Variants in ZNF569 observed in about 807,000 individuals in gnomAD.
The protein encoded by ZNF569 is DNA-binding protein.
A neutral mutation model predicts 56.3 loss-of-function variants in ZNF569; 38 were observed. That is an observed-to-expected ratio of 0.68 (90% CI 0.52 to 0.88). ZNF569 has a LOEUF of 0.88. Ranked by LOEUF, ZNF569 falls within the 40% of genes least tolerant of loss-of-function variation. The pLI, the probability that ZNF569 is intolerant of heterozygous loss-of-function variation, is 0.00. For synonymous variants in ZNF569, 241 were observed against 262.9 expected (o/e 0.92, Z 0.81); for missense variants, 666 against 809.2 (o/e 0.82, Z 2.15).
chr19:37,452,755 G>A (rs1024957768), intron 2 of ZNF569, among the ~76,000 whole-genome samples: 15 of 152,090 alleles, frequency 9.9e-5, no homozygotes, highest in African/African-American at 3.4e-4. Flanking sequence ...TTCTGTGTTT[G>A]ACTTTTGACA....
At chr19:37,449,985 A>G (rs1297939192) in intron 2 of ZNF569, among the ~76,000 whole-genome samples, 5 of 152,052 alleles carry the variant, frequency 3.3e-5, no homozygotes, top group Non-Finnish European at 7.4e-5. Flanking sequence ...GTTTAATTGC[A>G]CACTTTTTAT....
At chr19:37,460,009 C>T (rs1280756888) in intron 2 of ZNF569, among the ~76,000 whole-genome samples, 1 of 151,724 alleles carries the variant, frequency 6.6e-6, no homozygotes, top group African/African-American at 2.4e-5. Context: ...CAATGAAAAC[C>T]GTAGTAATCA....
chr19:37,441,175 G>C (rs1325937764), intron 3 of ZNF569, among the ~76,000 whole-genome samples: 2 of 152,152 alleles, frequency 1.3e-5, no homozygotes, highest in Non-Finnish European at 2.9e-5. Flanking sequence ...AGGAAACAAA[G>C]GCCTTGAAGG....
At chr19:37,428,458 T>G (rs1174124969) in intron 3 of ZNF569, among the ~76,000 whole-genome samples, 1 of 148,076 alleles carries the variant, frequency 6.8e-6, no homozygotes, top group East Asian at 2.0e-4. Flanking sequence ...GGAGTTTGAC[T>G]GCAGTGAGCC....
intron 5 of ZNF569, among the ~76,000 whole-genome samples, chr19:37,420,160 T>C (rs140548901): frequency 1.3e-5 from 2 of 151,802 alleles, no homozygotes; most frequent in Non-Finnish European, 1.5e-5. Flanking sequence ...CTAATTTTTT[T>C]TGTGTTTTTA....
At chr19:37,438,316 G>A (rs932811150) in intron 3 of ZNF569, among the ~76,000 whole-genome samples, 2 of 152,134 alleles carry the variant, frequency 1.3e-5, no homozygotes, top group African/African-American at 4.8e-5. Flanking sequence ...AGCCCAGGAG[G>A]TCAAGGCTAC....
Position 37,444,953 on chromosome 19 carries a change from G to C in ZNF569, c.-32C>G. 1 of 1,604,346 alleles carries C rather than the reference G, an allele frequency of 6.2e-7. No homozygotes were observed. Among genetic ancestry groups the C allele is most frequent in the Non-Finnish European group, 8.5e-7 (1 of 1,176,350 alleles). The stretch of plus-strand genomic sequence containing the variant: ...TTCTTTCTGGGAAGGGATGGGGCCT[G>C]CAGAAGTAGAGCTGGGGAAGAGAAT... On this transcript the variant is annotated 5_prime_UTR_variant, in exon 3 of 6. Transcript: ENST00000316950.
intron 2 of ZNF569, among the ~76,000 whole-genome samples, chr19:37,457,948 G>A (rs562727574): frequency 9.9e-5 from 15 of 152,220 alleles, no homozygotes; most frequent in African/African-American, 2.9e-4. Context: ...ATGGCTCGCT[G>A]CAGGCTTCAT....
chr19:37,444,370 G>T (rs979000787), intron 3 of ZNF569, among the ~76,000 whole-genome samples: 1 of 152,150 alleles, frequency 6.6e-6, no homozygotes. Context: ...GTTGTTGCGT[G>T]TAACAGTCAT....
At chr19:37,460,446 G>A (rs1045911576) in intron 2 of ZNF569, among the ~76,000 whole-genome samples, 1 of 151,792 alleles carries the variant, frequency 6.6e-6, no homozygotes, top group African/African-American at 2.4e-5. Flanking sequence ...CCTGGCCAAT[G>A]GTAGATGTTA....
chr19:37,461,926 G>A (rs1469924260), intron 2 of ZNF569, among the ~76,000 whole-genome samples: 1 of 152,144 alleles, frequency 6.6e-6, no homozygotes, highest in Non-Finnish European at 1.5e-5. Flanking sequence ...AAATCACACA[G>A]CTACACAGAA....
chr19:37,413,824 G>A lies in ZNF569; in HGVS notation c.834C>T (p.Ser278=). 1 of 1,613,554 alleles carries A rather than the reference G, an allele frequency of 6.2e-7. No individual in the cohort carries two copies. The highest frequency in any genetic ancestry group is 8.5e-7 in the Non-Finnish European group (1 of 1,179,914). ...CAATAAGATTTGATTTCTGGCTGAA[G>A]GACTTCTCACATTCCTTACATGCAT... The part of the protein sequence containing the change: ...KPYACKECEK[S]FSQKSNLIDH... The change falls in exon 6 of 6, where the codon TCC becomes TCT. Residue 278 remains serine, a synonymous_variant. Transcript: ENST00000316950.
chr19:37,451,368 C>G (rs910431059), intron 2 of ZNF569, among the ~76,000 whole-genome samples: 2 of 149,494 alleles, frequency 1.3e-5, no homozygotes, highest in Non-Finnish European at 3.0e-5. Context: ...CCACTGCACT[C>G]CAGCCTGGGT....
intron 2 of ZNF569, among the ~76,000 whole-genome samples, chr19:37,457,050 A>C (rs2146967748): frequency 1.4e-5 from 1 of 71,066 alleles, no homozygotes; most frequent in Admixed American, 1.8e-4. Flanking sequence ...TACTTCTAAA[A>C]CCCTTAATCT....
chr19:37,413,095 A>C lies in ZNF569; in HGVS notation c.1563T>G (p.Pro521=), dbSNP rs751966315. 4 of 1,613,490 alleles carry C rather than the reference A, an allele frequency of 2.5e-6. No individual in the cohort carries two copies. The African/African-American group carries it at 5.3e-5, about 22-fold the overall frequency. The change falls in exon 6 of 6, where the codon CCT becomes CCG. Residue 521 remains proline, a synonymous_variant. Coordinates refer to ENST00000316950, the MANE Select transcript of ZNF569 (RefSeq NM_152484.3). ...CTTTACCACATTCATTACAATCATA[A>C]GGTTTCTCTCCAGTATGAACTTTTT... is the stretch of plus-strand genomic sequence containing the variant. The part of the protein sequence containing the change: ...THQKVHTGEK[P]YDCNECGKAF...
rs1429433043 is a variant in ZNF569 at position 37,412,182 on chromosome 19, CT to C, written c.*414del. On this transcript the variant is annotated 3_prime_UTR_variant, in exon 6 of 6. Transcript: ENST00000316950. ...ACATATTTTATAACTTGATAAAGAC[CT>C]AACTCATTGTTGTGTTTATTCTTAG... The C allele has an allele frequency of 6.4e-6, 1 of 155,610 alleles. No homozygotes were observed. The highest frequency in any genetic ancestry group is 2.4e-5 in the African/African-American group (1 of 41,532). 9.6% of individuals were successfully genotyped at this position (155,610 alleles called of 1,614,324 possible). A position where few individuals can be genotyped will look rare whatever the true frequency, so the allele number is the denominator to read the frequency against.
chr19:37,447,659 C>CA (rs1439001788), intron 2 of ZNF569, among the ~76,000 whole-genome samples: 1 of 152,126 alleles, frequency 6.6e-6, no homozygotes, highest in Non-Finnish European at 1.5e-5. Context: ...TAAGAGAGGA[C>CA]ATCCTTGCAT....
intron 5 of ZNF569, 121 bp from the exon 6 acceptor site, chr19:37,414,540 T>C: frequency 7.2e-7 from 1 of 1,398,036 alleles, no homozygotes. Flanking sequence ...ACTCTCCCAC[T>C]ATTAAAACAT....
chr19:37,451,855 T>C lies in ZNF569; in HGVS notation c.-43-6891A>G, dbSNP rs1017850341. 2.0e-5 allele frequency among the ~76,000 whole-genome samples: 3 copies of C among 152,218 alleles called. No homozygotes were observed. The East Asian group carries it at 5.8e-4, about 29-fold the overall frequency. On this transcript the variant is annotated intron_variant, in intron 2 of 5. Transcript: ENST00000316950. ...TGAAGTGAGCTTTTTGTAGACAGCA[T>C]ATAGTTGGGTCTTGTTTATATATCC...
Sources: gnomAD v4.1 joint callset for allele counts (sites outside exome capture counted in the v4.1 genomes callset) on GRCh38, gnomAD v4.1.1 for gene constraint, MANE v1.5 for transcripts, NCBI Gene and HGNC (gene_info 2026-07-23, HGNC 2026-07-21) for gene names.